STRBP: variants seen among roughly 807,000 people sequenced by gnomAD.
STRBP encodes the protein spermatid perinuclear RNA-binding protein.
In STRBP, 13 loss-of-function variants were observed where a neutral mutation model predicts 80.1. The ratio of observed to expected loss-of-function variants is 0.16; its 90% CI spans 0.11 to 0.26. STRBP has a LOEUF of 0.26. Among genes scored for constraint, STRBP ranks in the 10% least tolerant of loss-of-function variants. The pLI, the probability that STRBP is intolerant of heterozygous loss-of-function variation, is 1.00. For synonymous variants in STRBP, 284 were observed against 291.2 expected, an observed-to-expected ratio of 0.98 and a Z score of 0.25; for missense variants, 485 against 815.2, an observed-to-expected ratio of 0.59 and a Z score of 4.93.
At chr9:123,137,870 CTTCTT>C (rs1378987551) in intron 14 of STRBP, among the ~76,000 whole-genome samples, 1 of 152,124 alleles carries the variant, frequency 6.6e-6, no homozygotes, top group Non-Finnish European at 1.5e-5. Context: ...ATAAACATCT[CTTCTT>C]GATGAGTTTT....
intron 6 of STRBP, 63 bp from the exon 7 acceptor site, chr9:123,161,131 A>G: frequency 8.4e-7 from 1 of 1,185,258 alleles, no homozygotes; most frequent in Non-Finnish European, 1.2e-6. Context: ...CTATCAAATT[A>G]TCAAACAATA....
At chr9:123,234,010 C>T (rs147439553) in intron 2 of STRBP, among the ~76,000 whole-genome samples, 3,950 of 152,066 alleles carry the variant, frequency 0.026, 175 homozygotes, top group African/African-American at 0.091. Context: ...ACCATCCTGG[C>T]TAATACGGTG....
At chr9:123,158,624 C>T (rs1219565521) in intron 9 of STRBP, among the ~76,000 whole-genome samples, 195 bp from the exon 10 acceptor site, 1 of 152,074 alleles carries the variant, frequency 6.6e-6, no homozygotes, top group Non-Finnish European at 1.5e-5. Flanking sequence ...CTTGTATGTC[C>T]TTATTTTATA....
chr9:123,201,893 C>G (rs2039338559), intron 2 of STRBP, among the ~76,000 whole-genome samples: 3 of 152,164 alleles, frequency 2.0e-5, no homozygotes. Flanking sequence ...TTTCTTAGGT[C>G]TAGCAGTAAT....
intron 2 of STRBP, among the ~76,000 whole-genome samples, chr9:123,192,581 C>T (rs897451724): frequency 6.6e-6 from 1 of 152,028 alleles, no homozygotes; most frequent in Non-Finnish European, 1.5e-5. Flanking sequence ...CATACAGAGA[C>T]CCCCATCTCA....
chr9:123,267,331 C>T (rs980682323), intron 1 of STRBP, among the ~76,000 whole-genome samples: 4 of 151,844 alleles, frequency 2.6e-5, no homozygotes, highest in Non-Finnish European at 5.9e-5. Flanking sequence ...CCTTTAAATG[C>T]CCCACACACC....
At chr9:123,144,789 A>T (rs954151955) in intron 13 of STRBP, among the ~76,000 whole-genome samples, 4 of 152,242 alleles carry the variant, frequency 2.6e-5, no homozygotes, top group Non-Finnish European at 4.4e-5. Context: ...AACTACCTCA[A>T]AATAGCAAAT....
intron 11 of STRBP, among the ~76,000 whole-genome samples, chr9:123,156,161 G>T (rs1467720123): frequency 6.6e-6 from 1 of 151,582 alleles, no homozygotes; most frequent in Non-Finnish European, 1.5e-5. Flanking sequence ...AAGAGTGGTT[G>T]TGAATTTGGT....
intron 3 of STRBP, chr9:123,114,805 C>T (rs1384876173): frequency 1.3e-5 from 3 of 227,104 alleles, no homozygotes; most frequent in East Asian, 1.3e-4. Context: ...CCCCCGCCCC[C>T]GGATGGGTGC....
At chr9:123,144,321 T>G (rs1418152647) in intron 13 of STRBP, among the ~76,000 whole-genome samples, 1 of 152,218 alleles carries the variant, frequency 6.6e-6, no homozygotes, top group Non-Finnish European at 1.5e-5. Flanking sequence ...GTTTTGAGAA[T>G]TCATAATTTT....
intron 17 of STRBP, among the ~76,000 whole-genome samples, chr9:123,129,968 G>A (rs1385396371): frequency 2.6e-5 from 4 of 152,170 alleles, no homozygotes; most frequent in Admixed American, 2.6e-4. Flanking sequence ...AGAAATTAAT[G>A]CTTAAAAAAG....
chr9:123,169,061 T>G (rs1292211169), intron 6 of STRBP, among the ~76,000 whole-genome samples: 2 of 151,512 alleles, frequency 1.3e-5, no homozygotes, highest in Non-Finnish European at 2.9e-5. Context: ...AAAAATTCAG[T>G]CCCCCAATTT....
intron 13 of STRBP, among the ~76,000 whole-genome samples, chr9:123,144,019 G>A (rs774438042): frequency 3.0e-4 from 46 of 152,100 alleles, no homozygotes; most frequent in Middle Eastern, 6.8e-3. Context: ...CCAACATGGC[G>A]AAACCCCGTC....
At chr9:123,246,286 C>T (rs2040798483) in intron 1 of STRBP, among the ~76,000 whole-genome samples, 2 of 152,284 alleles carry the variant, frequency 1.3e-5, no homozygotes, top group South Asian at 2.1e-4. Flanking sequence ...TCACAAAAAC[C>T]TTAATTTAAA....
At chr9:123,151,964 C>CA (rs1365148319) in intron 11 of STRBP, among the ~76,000 whole-genome samples, 1 of 151,890 alleles carries the variant, frequency 6.6e-6, no homozygotes, top group Non-Finnish European at 1.5e-5. Flanking sequence ...AAATAAGGTA[C>CA]AAAATGTATA....
intron 13 of STRBP, among the ~76,000 whole-genome samples, chr9:123,143,944 T>C (rs2036699078): frequency 6.6e-6 from 1 of 152,152 alleles, no homozygotes. Flanking sequence ...ACACCTGTAA[T>C]CCCAGCACTT....
At position 123,115,914 on chromosome 9, in the gene STRBP, A is replaced by C. The variant is rs139397781; in HGVS notation, c.*84+15T>G. 4.3e-3 allele frequency: 1,813 copies of C among 426,074 alleles called. 27 individuals carry two copies. Among genetic ancestry groups the C allele is most frequent in the Middle Eastern group, 0.016 (47 of 2,864 alleles). 26.4% of individuals were successfully genotyped at this position (426,074 alleles called of 1,614,324 possible). A position where few individuals can be genotyped will look rare whatever the true frequency, so the allele number is the denominator to read the frequency against. On this transcript the variant is annotated intron_variant and NMD_transcript_variant, in intron 3 of 3. Coordinates refer to the STRBP transcript ENST00000471564. The surrounding 1 kb of genome is among the most constrained non-coding windows in gnomAD (Gnocchi z 5.0). ...GAACCACATACAACAAATAAATATAATCCCTTAAAAATACCTGGCAGGAGT... is the reference window on the plus strand; with the variant it reads ...GAACCACATACAACAAATAAATATACTCCCTTAAAAATACCTGGCAGGAGT...
chr9:123,192,579 G>T (rs895628552), intron 2 of STRBP, among the ~76,000 whole-genome samples: 1 of 152,076 alleles, frequency 6.6e-6, no homozygotes, highest in Middle Eastern at 3.2e-3. Flanking sequence ...AACATACAGA[G>T]ACCCCCATCT....
rs189526236 is a variant in STRBP at position 123,144,628 on chromosome 9, G to A, written c.1338+2227C>T. Among the ~76,000 whole-genome samples, 8 of 152,178 alleles carry A rather than the reference G, an allele frequency of 5.3e-5. 1 individual carries two copies. Among genetic ancestry groups the A allele is most frequent in the South Asian group, 4.2e-4 (2 of 4,818 alleles). The stretch of plus-strand genomic sequence containing the variant: ...AAATGTTAATGGTTATTATTTCTAC[G>A]TATTAGAACTATGAATTTTTTCCCC... On this transcript the variant is annotated intron_variant, in intron 13 of 18. Coordinates refer to ENST00000348403, the MANE Select transcript of STRBP (RefSeq NM_018387.5).
Sources: allele counts gnomAD v4.1 joint callset (sites outside exome capture counted in the v4.1 genomes callset), GRCh38; gene constraint gnomAD v4.1.1; non-coding constraint Gnocchi (gnomAD v3.1); transcripts MANE v1.5; gene names NCBI Gene and HGNC (gene_info 2026-07-23, HGNC 2026-07-21).